GPR107: variants seen among roughly 807,000 people sequenced by gnomAD.
GPR107 encodes the protein protein GPR107.
In GPR107, 31 loss-of-function variants were observed where a neutral mutation model predicts 75.5. The observed-to-expected ratio is 0.41, with a 90% CI of 0.31 to 0.55. The LOEUF is 0.55. Ranked by LOEUF, GPR107 falls within the 20% of genes least tolerant of loss-of-function variation. The pLI, the probability that GPR107 is intolerant of heterozygous loss-of-function variation, is 0.26. For missense variants in GPR107, 572 were observed against 665.7 expected, an observed-to-expected ratio of 0.86 and a Z score of 1.55; for synonymous variants, 267 against 251.3, an observed-to-expected ratio of 1.06 and a Z score of -0.59.
chr9:130,073,275 G>T (rs1830254942), intron 1 of GPR107, among the ~76,000 whole-genome samples: 1 of 152,196 alleles, frequency 6.6e-6, no homozygotes, highest in Non-Finnish European at 1.5e-5. Flanking sequence ...GCCCTAATGT[G>T]CTAAGGCATC....
chr9:130,139,813 C>T lies in GPR107; in HGVS notation c.*4692C>T, dbSNP rs1339777797. Reference sequence around the variant, plus strand: ...CTTTGGAGCACGTAAGATACTGTTACAGGGTCCAGAAATCGTGTTCACATG... The same window carrying T: ...CTTTGGAGCACGTAAGATACTGTTATAGGGTCCAGAAATCGTGTTCACATG... On this transcript the variant is annotated 3_prime_UTR_variant, in exon 18 of 18. Transcript: ENST00000347136. 4 of 152,248 alleles carry T rather than the reference C, an allele frequency of 2.6e-5. No homozygotes were observed. Among genetic ancestry groups the T allele is most frequent in the African/African-American group, 9.6e-5 (4 of 41,462 alleles). 9.4% of individuals were successfully genotyped at this position (152,248 alleles called of 1,614,324 possible). A position where few individuals can be genotyped will look rare whatever the true frequency, so the allele number is the denominator to read the frequency against.
At position 130,055,187 on chromosome 9, in the gene GPR107, G is replaced by T. The variant is rs373034280; in HGVS notation, c.141+1114G>T. Reference sequence around the variant, plus strand: ...AGTCTTCTAAGAAGTGGAACTGTAGGCGGGGCGCGGTGGCTCACGCCTGTA... The same window carrying T: ...AGTCTTCTAAGAAGTGGAACTGTAGTCGGGGCGCGGTGGCTCACGCCTGTA... On this transcript the variant is annotated intron_variant, in intron 1 of 17. Coordinates refer to ENST00000347136, the MANE Select transcript of GPR107 (RefSeq NM_020960.5). Among the ~76,000 whole-genome samples, 10 of 152,106 alleles carry T rather than the reference G, an allele frequency of 6.6e-5. No individual in the cohort carries two copies. The East Asian group carries it at 1.7e-3, about 27-fold the overall frequency.
intron 6 of GPR107, among the ~76,000 whole-genome samples, chr9:130,085,754 A>ATTTTTTTTTTGTTTTTTT (rs1830598911): frequency 1.3e-5 from 1 of 78,674 alleles, no homozygotes; most frequent in Non-Finnish European, 2.4e-5. Flanking sequence ...CAATATTTTG[A>ATTTTTTTTTTGTTTTTTT]TTTTTTTTTT....
At chr9:130,122,092 C>T (rs538369571) in intron 14 of GPR107, among the ~76,000 whole-genome samples, 8 of 152,030 alleles carry the variant, frequency 5.3e-5, no homozygotes, top group Non-Finnish European at 8.8e-5. Flanking sequence ...GGGGTTTCAC[C>T]GTGTTAGCCA....
At chr9:130,115,343 G>T (rs143998627) in intron 14 of GPR107, among the ~76,000 whole-genome samples, 1 of 152,162 alleles carries the variant, frequency 6.6e-6, no homozygotes, top group African/African-American at 2.4e-5. Context: ...TTCCCAGAAG[G>T]ACTCATTCCC....
intron 15 of GPR107, among the ~76,000 whole-genome samples, chr9:130,127,012 G>A (rs1831705575): frequency 6.6e-6 from 1 of 152,214 alleles, no homozygotes; most frequent in Non-Finnish European, 1.5e-5. Flanking sequence ...GAACTTGGTA[G>A]TATTTGTACT....
rs1831950090 is a variant in GPR107, at chr9:130,136,156, C to G, written c.*1035C>G. ...AATAGATGAATTCAACAGACTTGGT[C>G]CCCATAGTCCAAGAGTATGTATGTG... On this transcript the variant is annotated 3_prime_UTR_variant, in exon 18 of 18. Coordinates refer to ENST00000347136, the MANE Select transcript of GPR107 (RefSeq NM_020960.5). The G allele has an allele frequency of 6.6e-6, 1 of 152,176 alleles. No individual in the cohort carries two copies. The highest frequency in any genetic ancestry group is 6.5e-5 in the Admixed American group (1 of 15,280). 9.4% of individuals were successfully genotyped at this position (152,176 alleles called of 1,614,324 possible).
chr9:130,121,401 C>T lies in GPR107; in HGVS notation c.1307-3514C>T, dbSNP rs530920203. 5.3e-5 allele frequency among the ~76,000 whole-genome samples: 8 copies of T among 152,246 alleles called. No individual in the cohort carries two copies. In the East Asian group the frequency reaches 7.7e-4, roughly 15 times the overall value. ...GAAAGTTTACAAATCTGTGTTGGGC[C>T]GCATTCAAAGCTGTCCTGGGGCGCA... On this transcript the variant is annotated intron_variant, in intron 14 of 17. Transcript: ENST00000347136.
rs374676948 is a variant in GPR107 at position 130,104,416 on chromosome 9, G to A, written c.1132-4G>A. 2.9e-5 allele frequency: 47 copies of A among 1,613,682 alleles called. 1 individual carries two copies. The South Asian group carries it at 3.8e-4, about 13-fold the overall frequency. On this transcript the variant is annotated splice_polypyrimidine_tract_variant and splice_region_variant and intron_variant, in intron 12 of 17. Transcript: ENST00000347136. ...GGGGCCTCAGCAACTTCTCATGTCT[G>A]TAGGTCCTGGCAAATGTAGCCTACA...
At chr9:130,114,051 A>AATTT in intron 14 of GPR107, among the ~76,000 whole-genome samples, 2 of 81,202 alleles carry the variant, frequency 2.5e-5, no homozygotes, top group African/African-American at 5.3e-5. Context: ...TTTTTTTTTC[A>AATTT]TTTTTTTTTT....
At chr9:130,083,772 G>C (rs960997424) in intron 6 of GPR107, among the ~76,000 whole-genome samples, 170 bp downstream of exon 6, 4 of 152,110 alleles carry the variant, frequency 2.6e-5, no homozygotes, top group African/African-American at 7.2e-5. Context: ...AGGAACCCTA[G>C]TGAATATCAA....
At chr9:130,090,003 GCA>G (rs1830697604) in intron 7 of GPR107, among the ~76,000 whole-genome samples, 1 of 152,110 alleles carries the variant, frequency 6.6e-6, no homozygotes, top group Non-Finnish European at 1.5e-5. Flanking sequence ...AACAGTTCCA[GCA>G]CCTGAGAAAC....
chr9:130,132,624 C>G (rs1554899280), intron 17 of GPR107, among the ~76,000 whole-genome samples: 1 of 151,870 alleles, frequency 6.6e-6, no homozygotes, highest in Admixed American at 6.6e-5. Context: ...ACATCTCTAC[C>G]AAAAATACAA....
chr9:130,101,175 C>T lies in GPR107; in HGVS notation c.1083C>T (p.Ile361=), dbSNP rs771308217. 19 of 1,604,978 alleles carry T rather than the reference C, an allele frequency of 1.2e-5. No homozygotes were observed. The highest frequency in any genetic ancestry group is 1.7e-5 in the Admixed American group (1 of 60,000). The change falls in exon 12 of 18, where the codon ATC becomes ATT. Residue 361 remains isoleucine, a synonymous_variant. Transcript: ENST00000347136. ...IGTGWAFIKH[I]LSDKDKKIFM... The stretch of plus-strand genomic sequence containing the variant: ...CTGGCTGGGCTTTCATTAAGCACAT[C>T]CTTTCTGATAAAGACAAAAAGATCT...
At chr9:130,127,292 A>C (rs1831712026) in intron 15 of GPR107, among the ~76,000 whole-genome samples, 191 bp from the exon 16 acceptor site, 1 of 152,214 alleles carries the variant, frequency 6.6e-6, no homozygotes. Flanking sequence ...GAGAGAGAAG[A>C]AATTCAAGTG....
chr9:130,136,059 T>A lies in GPR107; in HGVS notation c.*938T>A, dbSNP rs1275709039. The A allele has an allele frequency of 6.6e-6, 1 of 152,182 alleles. No homozygotes were observed. Among genetic ancestry groups the A allele is most frequent in the African/African-American group, 2.4e-5 (1 of 41,428 alleles). The allele number at this position is 152,182 out of a possible 1,614,324, so 9.4% of individuals were successfully genotyped here. On this transcript the variant is annotated 3_prime_UTR_variant, in exon 18 of 18. Coordinates refer to ENST00000347136, the MANE Select transcript of GPR107 (RefSeq NM_020960.5). ...CAGCTGGGGGCAGAATAGGTAGTAT[T>A]TAAGCAAATACTTAAGTCCAAGCAA... is the stretch of plus-strand genomic sequence containing the variant.
chr9:130,107,337 TCC>T (rs746423876), intron 13 of GPR107, among the ~76,000 whole-genome samples, 157 bp from the exon 14 acceptor site: 15 of 151,948 alleles, frequency 9.9e-5, no homozygotes, highest in Non-Finnish European at 8.8e-5. Context: ...ATCAACCATT[TCC>T]CCCCCTCTAC....
At position 130,075,748 on chromosome 9, in the gene GPR107, C is replaced by A; in HGVS notation, c.254C>A (p.Thr85Asn). ...AATGAGCCTGAAGACAAGGATGTGA[C>A]TGTAAGTACCTTTTAATGAGATCCA... ...SLNEPEDKDV[T>N]IGFSLDRTKN... The change falls in exon 2 of 18, where the codon ACT (threonine) becomes AAT (asparagine). Residue 85 changes from threonine to asparagine, a missense_variant and splice_region_variant. Physicochemically the swap from Thr to Asn is moderately conservative, Grantham distance 65. Transcript: ENST00000347136. 4 of 1,380,344 alleles carry A rather than the reference C, an allele frequency of 2.9e-6. No individual in the cohort carries two copies. The highest frequency in any genetic ancestry group is 2.3e-5 in the East Asian group (1 of 43,676). 85.5% of individuals were successfully genotyped at this position (1,380,344 alleles called of 1,614,324 possible). A position where few individuals can be genotyped will look rare whatever the true frequency, so the allele number is the denominator to read the frequency against.
chr9:130,097,699 T>C (rs1589509818), intron 9 of GPR107, among the ~76,000 whole-genome samples: 1 of 149,444 alleles, frequency 6.7e-6, no homozygotes, highest in East Asian at 2.0e-4. Context: ...TGGCTGCCTG[T>C]ATTCTTTGGG....
Sources: gnomAD v4.1 joint callset for allele counts (sites outside exome capture counted in the v4.1 genomes callset) on GRCh38, gnomAD v4.1.1 for gene constraint, MANE v1.5 for transcripts, NCBI Gene and HGNC (gene_info 2026-07-23, HGNC 2026-07-21) for gene names.